Variants in TAF6 observed in about 807,000 individuals in gnomAD.
The protein encoded by TAF6 is TATA-box binding protein associated factor 6, also known as transcription initiation factor TFIID subunit 6.
TAF6 carries 50 observed loss-of-function variants against 73.5 expected under a neutral mutation model. The observed-to-expected ratio is 0.68, with a 90% confidence interval of 0.54 to 0.86. The LOEUF (loss-of-function observed/expected upper bound fraction) is 0.86, where lower values mean the gene tolerates loss of function less well. Among genes scored for constraint, TAF6 ranks in the 40% least tolerant of loss-of-function variants. The probability of loss-of-function intolerance (pLI) is 0.00; values close to 1 mark genes in which losing one functional copy is unlikely to be tolerated. For synonymous variants in TAF6, 424 were observed against 376.7 expected (o/e 1.13, Z -1.45); for missense variants, 768 against 899.5 (o/e 0.85, Z 1.87).
At chr7:100,117,722 C>T (rs1226381463) in intron 1 of TAF6, among the ~76,000 whole-genome samples, 1 of 152,072 alleles carries the variant, frequency 6.6e-6, no homozygotes, top group African/African-American at 2.4e-5. Flanking sequence ...AGGTCATAGG[C>T]CCAAGCTTTG....
At chr7:100,109,916 T>G (rs1797006665) in intron 12 of TAF6, 32 bp downstream of exon 12, 1 of 1,609,166 alleles carries the variant, frequency 6.2e-7, no homozygotes, top group Non-Finnish European at 8.5e-7. Context: ...TGTGTCTCAG[T>G]GGGCAGGTGT....
upstream of TAF6, among the ~76,000 whole-genome samples, chr7:100,124,125 A>G (rs1798153405): frequency 6.6e-6 from 1 of 151,106 alleles, no homozygotes; most frequent in Non-Finnish European, 1.5e-5. Flanking sequence ...TGACAGAGCG[A>G]GACTCCATCT....
upstream of TAF6, among the ~76,000 whole-genome samples, chr7:100,121,633 T>A (rs913423432): frequency 2.0e-5 from 3 of 151,328 alleles, no homozygotes; most frequent in African/African-American, 4.9e-5. Context: ...TTAATAGAGA[T>A]GGGGTTTCAC....
At chr7:100,121,111 T>TATATATATATATATAC (rs1562938270), upstream of TAF6, 4 of 35,348 alleles carry the variant, frequency 1.1e-4, no homozygotes, top group Non-Finnish European at 2.2e-4. Context: ...TATATATATA[T>TATATATATATATATAC]ATATATTTTT....
Position 100,107,264 on chromosome 7 carries a change from G to A in TAF6, c.2016C>T (p.Ser672=), listed in dbSNP as rs1384173651. The A allele has an allele frequency of 2.0e-6, 3 of 1,523,904 alleles. No homozygotes were observed. Among genetic ancestry groups the A allele is most frequent in the Non-Finnish European group, 8.8e-7 (1 of 1,139,054 alleles). The allele number at this position is 1,523,904 out of a possible 1,614,324, so 94.4% of individuals were successfully genotyped here. A position where few individuals can be genotyped will look rare whatever the true frequency, so the allele number is the denominator to read the frequency against. The change falls in exon 15 of 15, where the codon TCC becomes TCT. Residue 672 remains serine (S), a synonymous_variant. Coordinates refer to ENST00000453269, the MANE Select transcript of TAF6 (RefSeq NM_139315.3). The part of the protein sequence containing the change: ...KANGSQPNSG[S]PQPAP Reference sequence around the variant, plus strand: ...TGGAGCATCACGGAGCAGGCTGAGGGGAGCCGGAGTTGGGCTGGGAGCCAT... The same window carrying A: ...TGGAGCATCACGGAGCAGGCTGAGGAGAGCCGGAGTTGGGCTGGGAGCCAT...
the TAF6 span, among the ~76,000 whole-genome samples, chr7:100,126,419 G>A: frequency 3.9e-5 from 6 of 151,998 alleles, no homozygotes; most frequent in Non-Finnish European, 7.4e-5. Context: ...CAGGAGGATC[G>A]CTAGAACCAG....
the TAF6 span, among the ~76,000 whole-genome samples, chr7:100,126,103 G>A: frequency 1.3e-5 from 2 of 152,046 alleles, no homozygotes; most frequent in Non-Finnish European, 2.9e-5. Context: ...GAAGAATGGC[G>A]GGAACCCGGG....
At chr7:100,112,331 C>T (rs1797259466) in intron 6 of TAF6, 78 bp from the exon 7 acceptor site, 14 of 1,536,890 alleles carry the variant, frequency 9.1e-6, no homozygotes, top group Admixed American at 2.1e-5. Context: ...TAACCCTCCA[C>T]TTCCCCTGAG....
chr7:100,126,142 T>C, the TAF6 span, among the ~76,000 whole-genome samples: 1 of 151,400 alleles, frequency 6.6e-6, no homozygotes, highest in African/African-American at 2.4e-5. Flanking sequence ...GCCAAGATCG[T>C]GCCACTGCAC....
upstream of TAF6, chr7:100,119,749 G>A: frequency 3.1e-6 from 5 of 1,614,246 alleles, no homozygotes; most frequent in Non-Finnish European, 4.2e-6. Flanking sequence ...TTTGTCATGG[G>A]ACCTGTGCGG....
intron 12 of TAF6, 100 bp from the exon 13 acceptor site, chr7:100,108,640 G>A: frequency 3.7e-6 from 5 of 1,350,062 alleles, no homozygotes; most frequent in Non-Finnish European, 4.0e-6. Flanking sequence ...TGGGGATGGG[G>A]TAAAAAAGGA....
the TAF6 span, chr7:100,124,982 T>C: frequency 1.9e-5 from 27 of 1,408,948 alleles, no homozygotes; most frequent in African/African-American, 3.2e-4. Context: ...GGTGTGTTTA[T>C]GAGTGACTCC....
chr7:100,119,145 A>G (rs572705275), intron 1 of TAF6, 59 bp downstream of exon 1: 11 of 986,804 alleles, frequency 1.1e-5, no homozygotes, highest in Admixed American at 6.1e-5. Flanking sequence ...ATCTCCTGCA[A>G]CATCTCTCCA....
intron 1 of TAF6, among the ~76,000 whole-genome samples, chr7:100,117,251 C>A (rs1344299761): frequency 2.7e-5 from 4 of 150,528 alleles, no homozygotes. Flanking sequence ...TCTCCGTCCA[C>A]CATCTAGACA....
Position 100,107,922 on chromosome 7 carries a change from A to G in TAF6, c.1656+4T>C, listed in dbSNP as rs1331437569. 5 of 1,604,060 alleles carry G rather than the reference A, an allele frequency of 3.1e-6. No homozygotes were observed. The highest frequency in any genetic ancestry group is 2.2e-5 in the East Asian group (1 of 44,772). ...GATGCTCCCTGTCCCACAGCTCTGC[A>G]TACCTGCTGGGTGGATGGGGCGCTG... On this transcript the variant is annotated splice_donor_region_variant and intron_variant, in intron 14 of 14. Coordinates refer to ENST00000453269, the MANE Select transcript of TAF6 (RefSeq NM_139315.3).
upstream of TAF6, among the ~76,000 whole-genome samples, chr7:100,121,738 C>G (rs895807824): frequency 1.3e-5 from 2 of 151,590 alleles, no homozygotes; most frequent in African/African-American, 4.8e-5. Flanking sequence ...CCACTCCTGG[C>G]CTATTATCCC....
chr7:100,112,629 C>G (rs546746305), intron 6 of TAF6, among the ~76,000 whole-genome samples, 169 bp downstream of exon 6: 92 of 152,164 alleles, frequency 6.0e-4, no homozygotes, highest in Non-Finnish European at 1.1e-3. Context: ...GCAGGAGAAT[C>G]GCTTGAACCC....
chr7:100,124,725 C>G (rs373827926), upstream of TAF6: 1 of 1,613,804 alleles, frequency 6.2e-7, no homozygotes, highest in Non-Finnish European at 8.5e-7. Context: ...TCCGATCTAG[C>G]ATGTCTACAG....
chr7:100,110,104 CGGAGGG>C (rs777469451), intron 11 of TAF6, 31 bp from the exon 12 acceptor site: 1 of 1,613,964 alleles, frequency 6.2e-7, no homozygotes, highest in South Asian at 1.1e-5. Context: ...AAGCAAAAGC[CGGAGGG>C]TCACCAGGGT....
Sources: allele counts gnomAD v4.1 joint callset (sites outside exome capture counted in the v4.1 genomes callset), GRCh38; gene constraint gnomAD v4.1.1; transcripts MANE v1.5; gene names NCBI Gene and HGNC (gene_info 2026-07-23, HGNC 2026-07-21).